The following CYP2C19 variants were observed in gnomAD, a reference collection of about 807,000 sequenced individuals.
The protein encoded by CYP2C19 is cytochrome P450 2C19.
CYP2C19 carries 59 observed loss-of-function variants against 40.9 expected under a neutral mutation model. That is an observed-to-expected ratio of 1.44 (90% CI 1.17 to 1.79). The LOEUF (loss-of-function observed/expected upper bound fraction) is 1.79, where lower values mean the gene tolerates loss of function less well. Among genes scored for constraint, CYP2C19 ranks in the 40% most tolerant of loss-of-function variants. CYP2C19 has a pLI of 0.00. For missense variants in CYP2C19, 754 were observed against 596.9 expected (o/e 1.26, Z -2.74); for synonymous variants, 253 against 208.7 (o/e 1.21, Z -1.83).
At chr10:94,814,028 C>G (rs1297515968) in intron 5 of CYP2C19, among the ~76,000 whole-genome samples, 1 of 150,826 alleles carries the variant, frequency 6.6e-6, no homozygotes, top group Non-Finnish European at 1.5e-5. Context: ...CTTTCCTTGG[C>G]TATGGGAGGG....
chr10:94,781,817 T>A lies in CYP2C19; in HGVS notation c.643-4T>A, dbSNP rs767505657. On this transcript the variant is annotated splice_region_variant and splice_polypyrimidine_tract_variant and intron_variant, in intron 4 of 8. Coordinates refer to ENST00000371321, the MANE Select transcript of CYP2C19 (RefSeq NM_000769.4). ...TAATTTAATAAATTATTGTTTTCTC[T>A]TAGATATGCAATAATTTTCCCACTA... 1.4e-6 allele frequency: 2 copies of A among 1,398,554 alleles called. No individual in the cohort carries two copies. Among genetic ancestry groups the A allele is most frequent in the Admixed American group, 5.8e-5 (2 of 34,468 alleles). The allele number at this position is 1,398,554 out of a possible 1,614,324, so 86.6% of individuals were successfully genotyped here. A position where few individuals can be genotyped will look rare whatever the true frequency, so the allele number is the denominator to read the frequency against.
intron 8 of CYP2C19, 84 bp from the exon 9 acceptor site, chr10:94,852,649 G>A: frequency 6.9e-7 from 1 of 1,457,348 alleles, no homozygotes; most frequent in Non-Finnish European, 9.6e-7. Context: ...TGCATATTCT[G>A]TCTGTGCCAG....
intron 6 of CYP2C19, among the ~76,000 whole-genome samples, chr10:94,823,345 C>A (rs1026250751): frequency 1.3e-5 from 2 of 152,132 alleles, no homozygotes; most frequent in Non-Finnish European, 2.9e-5. Context: ...TACTCAGGGA[C>A]AAAGGGCAGT....
At chr10:94,806,612 TTTA>T (rs1848839730) in intron 5 of CYP2C19, among the ~76,000 whole-genome samples, 1 of 148,396 alleles carries the variant, frequency 6.7e-6, no homozygotes, top group African/African-American at 2.4e-5. Context: ...TTATTATTTA[TTTA>T]TTAATAATTT....
intron 7 of CYP2C19, among the ~76,000 whole-genome samples, chr10:94,845,222 C>T (rs1849555108): frequency 6.6e-6 from 1 of 152,154 alleles, no homozygotes; most frequent in South Asian, 2.1e-4. Context: ...ATATTTTAGA[C>T]TTTTTAGGCC....
At chr10:94,779,998 G>C (rs1028856374) in intron 3 of CYP2C19, among the ~76,000 whole-genome samples, 1 of 152,066 alleles carries the variant, frequency 6.6e-6, no homozygotes, top group African/African-American at 2.4e-5. Context: ...AACACATTCT[G>C]CTTCTTACAT....
At chr10:94,763,698 G>T (rs1275123051) in intron 1 of CYP2C19, among the ~76,000 whole-genome samples, 3 of 151,920 alleles carry the variant, frequency 2.0e-5, no homozygotes, top group African/African-American at 4.8e-5. Flanking sequence ...GGCAGGGCAA[G>T]ATTGGTGGGG....
At chr10:94,847,453 A>G (rs1174019901) in intron 7 of CYP2C19, among the ~76,000 whole-genome samples, 1 of 152,156 alleles carries the variant, frequency 6.6e-6, no homozygotes, top group Non-Finnish European at 1.5e-5. Context: ...TATATGTGCC[A>G]TATTTTCTTA....
At chr10:94,818,557 T>G (rs1289152402) in intron 5 of CYP2C19, among the ~76,000 whole-genome samples, 2 of 141,230 alleles carry the variant, frequency 1.4e-5, no homozygotes, top group African/African-American at 5.3e-5. Context: ...GTATCCTCTT[T>G]TATTTCCTTG....
rs148361882 is a variant in CYP2C19, at chr10:94,801,889, C to T, written c.820-18607C>T. Among the ~76,000 whole-genome samples, 473 of 152,186 alleles carry T rather than the reference C, an allele frequency of 3.1e-3. 4 individuals carry two copies. Among genetic ancestry groups the T allele is most frequent in the African/African-American group, 0.011 (450 of 41,534 alleles). On this transcript the variant is annotated intron_variant, in intron 5 of 8. Coordinates refer to ENST00000371321, the MANE Select transcript of CYP2C19 (RefSeq NM_000769.4). Reference sequence around the variant, plus strand: ...TGACTTCAGAAATGAAGCTGTGGACCTTTGTGGTGAGTGTTAGAGCTTTTA... The same window carrying T: ...TGACTTCAGAAATGAAGCTGTGGACTTTTGTGGTGAGTGTTAGAGCTTTTA...
rs1382613548 is a variant in CYP2C19 at position 94,820,458 on chromosome 10, A to G, written c.820-38A>G. On this transcript the variant is annotated intron_variant, in intron 5 of 8. Transcript: ENST00000371321. ...ATTTACTGTCATCAAATATGCTGTT[A>G]AATAATTTGTCAGATAATTGCATCA... is the stretch of plus-strand genomic sequence containing the variant. 3.1e-6 allele frequency: 5 copies of G among 1,609,166 alleles called. No individual in the cohort carries two copies. The African/African-American group carries it at 6.7e-5, about 22-fold the overall frequency.
intron 7 of CYP2C19, among the ~76,000 whole-genome samples, chr10:94,844,527 T>C (rs1223917735): frequency 6.6e-6 from 1 of 152,166 alleles, no homozygotes; most frequent in Non-Finnish European, 1.5e-5. Context: ...TCAAACCTGC[T>C]CTTTTCCAAT....
chr10:94,779,781 A>C (rs1848459044), intron 3 of CYP2C19, among the ~76,000 whole-genome samples: 1 of 151,818 alleles, frequency 6.6e-6, no homozygotes, highest in South Asian at 2.1e-4. Flanking sequence ...GCTGGTCTTG[A>C]ACTCCTGACC....
chr10:94,763,221 A>C (rs2134227474), intron 1 of CYP2C19, among the ~76,000 whole-genome samples: 1 of 152,304 alleles, frequency 6.6e-6, no homozygotes, highest in Non-Finnish European at 1.5e-5. Flanking sequence ...TTATTAAATA[A>C]GTCCTCTACT....
chr10:94,844,805 G>A (rs1005026490), intron 7 of CYP2C19, among the ~76,000 whole-genome samples: 3 of 152,160 alleles, frequency 2.0e-5, no homozygotes, highest in Admixed American at 6.5e-5. Flanking sequence ...GGGTCTGAGG[G>A]TAATAGTAAT....
At chr10:94,800,755 C>A (rs1157844172) in intron 5 of CYP2C19, among the ~76,000 whole-genome samples, 1 of 152,204 alleles carries the variant, frequency 6.6e-6, no homozygotes, top group African/African-American at 2.4e-5. Flanking sequence ...CTGGCTGCAG[C>A]CGCGCAAGTT....
intron 8 of CYP2C19, among the ~76,000 whole-genome samples, chr10:94,851,887 C>A (rs747446063): frequency 6.6e-6 from 1 of 152,108 alleles, no homozygotes; most frequent in Non-Finnish European, 1.5e-5. Context: ...GACCATAGCA[C>A]ATTTTTCAAT....
At chr10:94,846,690 AT>A (rs1431627089) in intron 7 of CYP2C19, among the ~76,000 whole-genome samples, 2 of 151,390 alleles carry the variant, frequency 1.3e-5, no homozygotes, top group African/African-American at 2.4e-5. Context: ...TTATTTATTT[AT>A]TTTATTATTT....
At chr10:94,766,249 G>T (rs1848241587) in intron 1 of CYP2C19, among the ~76,000 whole-genome samples, 1 of 152,042 alleles carries the variant, frequency 6.6e-6, no homozygotes, top group South Asian at 2.1e-4. Context: ...CAAAGAGTGG[G>T]TTAATCTGAG....
Sources: gnomAD v4.1 joint callset for allele counts (sites outside exome capture counted in the v4.1 genomes callset) on GRCh38, gnomAD v4.1.1 for gene constraint, MANE v1.5 for transcripts, NCBI Gene and HGNC (gene_info 2026-07-23, HGNC 2026-07-21) for gene names.